The following ANKMY2 variants were observed in gnomAD, a reference collection of about 807,000 sequenced individuals.
The protein encoded by ANKMY2 is ankyrin repeat and MYND domain containing 2.
A neutral mutation model predicts 50.4 loss-of-function variants in ANKMY2; 36 were observed. That is an observed-to-expected ratio of 0.71 (90% CI 0.55 to 0.94). The LOEUF is 0.94. ANKMY2 is among the 40% of genes least tolerant of loss of function. ANKMY2 has a pLI of 0.00. For missense variants in ANKMY2, 565 were observed against 524.0 expected (o/e 1.08, Z -0.76); for synonymous variants, 187 against 178.8 (o/e 1.05, Z -0.36).
At chr7:16,601,027 T>C in intron 9 of ANKMY2, 82 bp from the exon 10 acceptor site, 1 of 1,137,830 alleles carries the variant, frequency 8.8e-7, no homozygotes, top group Non-Finnish European at 1.2e-6. Flanking sequence ...TTATTTAATC[T>C]TCCTATCAAC....
chr7:16,624,004 C>T (rs1583678172), intron 4 of ANKMY2, among the ~76,000 whole-genome samples: 1 of 152,008 alleles, frequency 6.6e-6, no homozygotes, highest in East Asian at 1.9e-4. Context: ...TCTCAAAACC[C>T]CCTTGAATTG....
At chr7:16,602,910 G>A (rs1314007058) in intron 8 of ANKMY2, among the ~76,000 whole-genome samples, 2 of 152,066 alleles carry the variant, frequency 1.3e-5, no homozygotes, top group African/African-American at 4.8e-5. Context: ...CACCATAATT[G>A]AAGGCTTCCT....
In ANKMY2 at chr7:16,615,865, G is replaced by A. The variant is rs768354963; in HGVS notation, c.410C>T (p.Pro137Leu). The A allele has an allele frequency of 1.2e-6, 2 of 1,613,694 alleles. No individual in the cohort carries two copies. Among genetic ancestry groups the A allele is most frequent in the African/African-American group, 1.3e-5 (1 of 74,850 alleles). Residue 137 changes from proline to leucine, a missense_variant, in exon 5 of 10, where the codon CCT becomes CTT. Physicochemically the swap from Pro to Leu is moderately conservative, Grantham distance 98. Transcript: ENST00000306999. Reference sequence around the variant, plus strand: ...AGTGTAATAATCCAGTCTCTCTCGAGGAAAGAAATTGTTGATTATGGTCAC... The same window carrying A: ...AGTGTAATAATCCAGTCTCTCTCGAAGAAAGAAATTGTTGATTATGGTCAC... ...DCVTIINNFF[P>L]RERLDYYTKP...
intron 1 of ANKMY2, among the ~76,000 whole-genome samples, 168 bp downstream of exon 1, chr7:16,645,339 C>T (rs1368028069): frequency 6.6e-6 from 1 of 152,166 alleles, no homozygotes; most frequent in Admixed American, 6.5e-5. Context: ...CACCTCTCCG[C>T]CCCTGCAACC....
At chr7:16,636,959 T>A (rs1781670775) in intron 1 of ANKMY2, among the ~76,000 whole-genome samples, 1 of 152,218 alleles carries the variant, frequency 6.6e-6, no homozygotes, top group South Asian at 2.1e-4. Flanking sequence ...CAATGCCTAG[T>A]ACTACATTAC....
Position 16,609,620 on chromosome 7 carries a change from G to A in ANKMY2, c.882+10C>T, listed in dbSNP as rs1430879619. 3 of 1,594,008 alleles carry A rather than the reference G, an allele frequency of 1.9e-6. No homozygotes were observed. In the South Asian group the frequency reaches 3.4e-5, roughly 18 times the overall value. ...ACTGATAGAGTCAACTTAGGTAAGA[G>A]GAGCCTTACAATTTCAACAGGAGCA... On this transcript the variant is annotated intron_variant, in intron 7 of 9. Coordinates refer to ENST00000306999, the MANE Select transcript of ANKMY2 (RefSeq NM_020319.3).
intron 6 of ANKMY2, among the ~76,000 whole-genome samples, chr7:16,609,970 T>C (rs896940818): frequency 6.6e-6 from 1 of 152,214 alleles, no homozygotes; most frequent in African/African-American, 2.4e-5. Flanking sequence ...TAAATGAATA[T>C]GCAAAGGTGA....
chr7:16,633,852 T>A (rs980424425), intron 2 of ANKMY2, among the ~76,000 whole-genome samples: 5 of 152,150 alleles, frequency 3.3e-5, no homozygotes, highest in Non-Finnish European at 7.4e-5. Flanking sequence ...TCTTACAGAT[T>A]TCTCCTTTGA....
chr7:16,606,530 C>T (rs2128342031), intron 7 of ANKMY2, among the ~76,000 whole-genome samples: 1 of 152,026 alleles, frequency 6.6e-6, no homozygotes, highest in East Asian at 1.9e-4. Flanking sequence ...TTTTTCTTAC[C>T]TACTCCTAAT....
intron 4 of ANKMY2, among the ~76,000 whole-genome samples, chr7:16,623,672 T>A (rs1781472685): frequency 6.6e-6 from 1 of 152,124 alleles, no homozygotes; most frequent in African/African-American, 2.4e-5. Context: ...GTCTCCAGAT[T>A]CCTACTTTAG....
chr7:16,628,336 AG>A (rs1481617054), intron 2 of ANKMY2, among the ~76,000 whole-genome samples: 5 of 152,196 alleles, frequency 3.3e-5, no homozygotes, highest in Non-Finnish European at 5.9e-5. Flanking sequence ...CTATGTTCAG[AG>A]GGTTGTGGAG....
intron 2 of ANKMY2, among the ~76,000 whole-genome samples, chr7:16,634,722 C>G (rs1313755982): frequency 5.3e-5 from 8 of 152,110 alleles, no homozygotes; most frequent in Admixed American, 1.3e-4. Flanking sequence ...CCTCAAGCAT[C>G]TGAGAACATT....
At chr7:16,627,353 A>C (rs547221358) in intron 2 of ANKMY2, among the ~76,000 whole-genome samples, 175 bp from the exon 3 acceptor site, 27 of 152,294 alleles carry the variant, frequency 1.8e-4, no homozygotes, top group South Asian at 6.2e-4. Context: ...TCTGAGGAAG[A>C]GATGGTTTTA....
At chr7:16,607,110 C>A (rs1277336360) in intron 7 of ANKMY2, among the ~76,000 whole-genome samples, 1 of 152,186 alleles carries the variant, frequency 6.6e-6, no homozygotes, top group African/African-American at 2.4e-5. Context: ...GTGATACGCA[C>A]AATCACAGGC....
chr7:16,641,894 G>A (rs10266147), intron 1 of ANKMY2, among the ~76,000 whole-genome samples: 2,007 of 152,272 alleles, frequency 0.013, 61 homozygotes, highest in African/African-American at 0.045. Context: ...GCCTGCAGAT[G>A]GGGGTGAAGT....
chr7:16,616,139 C>T (rs1524357), intron 4 of ANKMY2, among the ~76,000 whole-genome samples: 109,221 of 151,976 alleles, frequency 0.72, 39,432 homozygotes, highest in Admixed American at 0.78. Flanking sequence ...AAAATACATA[C>T]GAAGATTATG....
chr7:16,645,608 A>T lies in ANKMY2; in HGVS notation c.-35T>A. 6.3e-7 allele frequency: 1 copy of T among 1,597,714 alleles called. No individual in the cohort carries two copies. The highest frequency in any genetic ancestry group is 8.5e-7 in the Non-Finnish European group (1 of 1,173,330). ...CAGCTTGAAGGTTATTCCCTTTCTTAGGGAGTATTAAAAAAGAAACGATGC... is the reference window on the plus strand; with the variant it reads ...CAGCTTGAAGGTTATTCCCTTTCTTTGGGAGTATTAAAAAAGAAACGATGC... On this transcript the variant is annotated 5_prime_UTR_variant, in exon 1 of 10. Transcript: ENST00000306999.
At chr7:16,610,799 A>G (rs1386927323) in intron 5 of ANKMY2, 36 bp from the exon 6 acceptor site, 1 of 1,585,074 alleles carries the variant, frequency 6.3e-7, no homozygotes, top group East Asian at 2.2e-5. Flanking sequence ...GTATTAAAGG[A>G]GACACTTGTT....
chr7:16,644,894 G>A, intron 1 of ANKMY2: 5 of 348,912 alleles, frequency 1.4e-5, no homozygotes, highest in South Asian at 1.0e-4. Flanking sequence ...GGTGGGTGTG[G>A]AGGCCTCGCC....
Sources: gnomAD v4.1 joint callset for allele counts (sites outside exome capture counted in the v4.1 genomes callset) on GRCh38, gnomAD v4.1.1 for gene constraint, MANE v1.5 for transcripts, NCBI Gene and HGNC (gene_info 2026-07-23, HGNC 2026-07-21) for gene names.